Variants in EIF4B observed in about 807,000 individuals in gnomAD.
The protein encoded by EIF4B is eukaryotic translation initiation factor 4B.
EIF4B carries 8 observed loss-of-function variants against 79.3 expected under a neutral mutation model. The observed-to-expected ratio is 0.10, with a 90% confidence interval of 0.06 to 0.18. The LOEUF is 0.18. Ranked by LOEUF, EIF4B falls within the 10% of genes least tolerant of loss-of-function variation. The probability of loss-of-function intolerance (pLI) is 1.00; values close to 1 mark genes in which losing one functional copy is unlikely to be tolerated. For synonymous variants in EIF4B, 238 were observed against 274.7 expected (o/e 0.87, Z 1.32); for missense variants, 515 against 792.4 (o/e 0.65, Z 4.20).
At chr12:53,019,437 A>ATT (rs1337954535) in intron 3 of EIF4B, among the ~76,000 whole-genome samples, 58 of 51,010 alleles carry the variant, frequency 1.1e-3, no homozygotes, top group African/African-American at 3.4e-3. Flanking sequence ...ATATATATAT[A>ATT]TTTTTTTTTT....
At chr12:53,037,689 A>G (rs1943562636) in intron 11 of EIF4B, 67 bp downstream of exon 11, 2 of 1,555,428 alleles carry the variant, frequency 1.3e-6, no homozygotes. Context: ...TAATGATGGA[A>G]GATCTCCTAC....
rs370029164 is a variant in EIF4B at position 53,006,469 on chromosome 12, T to G, written c.-15T>G. ...CCTCATCCGGGTCTTTTGCGTTCTC[T>G]TTCCCTCTCCCAACATGGCGGCCTC... On this transcript the variant is annotated 5_prime_UTR_variant, in exon 1 of 15. Coordinates refer to ENST00000262056, the MANE Select transcript of EIF4B (RefSeq NM_001417.7). The G allele has an allele frequency of 2.3e-5, 37 of 1,613,244 alleles. No individual in the cohort carries two copies. Among genetic ancestry groups the G allele is most frequent in the South Asian group, 2.2e-4 (20 of 91,078 alleles).
intron 1 of EIF4B, chr12:53,014,673 G>A (rs1204775647): frequency 6.6e-6 from 1 of 152,114 alleles, no homozygotes; most frequent in Non-Finnish European, 1.5e-5. Flanking sequence ...GTTAAATTTT[G>A]AAAGAAAGGG....
chr12:53,030,413 CT>C lies in EIF4B; in HGVS notation c.979+2250del, dbSNP rs759061266. On this transcript the variant is annotated intron_variant, in intron 8 of 14. Coordinates refer to ENST00000262056, the MANE Select transcript of EIF4B (RefSeq NM_001417.7). ...GAAATAGGTTTTAAAAAATTATATT[CT>C]TTTTTTTTTTTTTTTTTTTTTTTTG... is the stretch of plus-strand genomic sequence containing the variant. Among the ~76,000 whole-genome samples the C allele has an allele frequency of 7.6e-3, 329 of 43,030 alleles. 3 individuals are homozygous for C. Among genetic ancestry groups the C allele is most frequent in the South Asian group, 0.066 (72 of 1,088 alleles). 28.2% of individuals were successfully genotyped at this position (43,030 alleles called of 152,430 possible).
At chr12:53,024,355 GA>G (rs1349722467) in intron 6 of EIF4B, among the ~76,000 whole-genome samples, 11 of 152,088 alleles carry the variant, frequency 7.2e-5, no homozygotes, top group African/African-American at 1.4e-4. Context: ...ACATTAAGGG[GA>G]AAAAAATTGT....
intron 1 of EIF4B, chr12:53,014,494 T>C (rs529269011): frequency 1.3e-5 from 2 of 152,082 alleles, no homozygotes; most frequent in South Asian, 2.1e-4. Flanking sequence ...TGGATTAATA[T>C]TAAGTCACTT....
intron 8 of EIF4B, among the ~76,000 whole-genome samples, chr12:53,029,366 T>C (rs949046147): frequency 1.1e-5 from 1 of 93,454 alleles, no homozygotes; most frequent in East Asian, 4.9e-4. Context: ...TTTCTATCCT[T>C]TTTTTATTTT....
intron 2 of EIF4B, among the ~76,000 whole-genome samples, chr12:53,017,406 T>C (rs1359552965): frequency 3.3e-5 from 5 of 152,134 alleles, no homozygotes; most frequent in Non-Finnish European, 1.5e-5. Flanking sequence ...ACAGTAATTA[T>C]GGTGGGAAAA....
rs201924839 is a variant in EIF4B, at chr12:53,016,553, A to G, written c.94A>G (p.Thr32Ala). ...AEDGGTGGGS[T>A]YVSKPVSWAD... ...GGATGGGGGTACTGGTGGAGGAAGC[A>G]CCTATGTTTCCAAACCAGTCAGCTG... is the stretch of plus-strand genomic sequence containing the variant. Residue 32 changes from threonine (T) to alanine (A), a missense_variant, in exon 2 of 15, where the codon ACC becomes GCC. Physicochemically the swap from Thr to Ala is moderately conservative, Grantham distance 58. Transcript: ENST00000262056. 3.9e-4 allele frequency: 624 copies of G among 1,613,382 alleles called. 2 individuals are homozygous for G. Among genetic ancestry groups the G allele is most frequent in the Middle Eastern group, 1.2e-3 (7 of 5,944 alleles).
At position 53,041,245 on chromosome 12, in the gene EIF4B, C is replaced by A. The variant is rs1368308807; in HGVS notation, c.*1022C>A. 2 of 152,210 alleles carry A rather than the reference C, an allele frequency of 1.3e-5. No homozygotes were observed. The highest frequency in any genetic ancestry group is 4.8e-5 in the African/African-American group (2 of 41,438). 9.4% of individuals were successfully genotyped at this position (152,210 alleles called of 1,614,324 possible). ...AGAACTCTGAAAGGAAGAATCGCTG[C>A]TTTTCTCAAGCAAATCGGTTTCTTG... On this transcript the variant is annotated 3_prime_UTR_variant, in exon 15 of 15. Transcript: ENST00000262056.
intron 1 of EIF4B, among the ~76,000 whole-genome samples, chr12:53,012,897 C>T (rs1004645376): frequency 2.0e-5 from 3 of 152,166 alleles, no homozygotes; most frequent in Admixed American, 6.5e-5. Flanking sequence ...TGAGCCACCA[C>T]ACCCAACAGT....
intron 1 of EIF4B, among the ~76,000 whole-genome samples, chr12:53,011,217 T>G (rs1329358765): frequency 6.6e-6 from 1 of 152,116 alleles, no homozygotes; most frequent in Non-Finnish European, 1.5e-5. Context: ...CAGTGAGCCA[T>G]TATCTCACTA....
chr12:53,026,078 C>T (rs1359351444), intron 6 of EIF4B, among the ~76,000 whole-genome samples: 2 of 151,668 alleles, frequency 1.3e-5, no homozygotes, highest in African/African-American at 2.4e-5. Flanking sequence ...CCAGCTTGGG[C>T]GACAGAGTGA....
Position 53,039,683 on chromosome 12 carries a change from C to G in EIF4B, c.1736C>G (p.Pro579Arg), listed in dbSNP as rs1943597502. Reference sequence around the variant, plus strand: ...AGATCTGCACCTGAGCCAAAGAAACCTGAGGAAAATCCAGCTTCCGTAAGT... The same window carrying G: ...AGATCTGCACCTGAGCCAAAGAAACGTGAGGAAAATCCAGCTTCCGTAAGT... The part of the protein sequence containing the change: ...DSRSAPEPKK[P>R]EENPASKFSS... Residue 579 changes from proline (P) to arginine (R), a missense_variant, in exon 14 of 15, where the codon CCT becomes CGT. By Grantham distance (103) the Pro-to-Arg change is moderately radical. Coordinates refer to ENST00000262056, the MANE Select transcript of EIF4B (RefSeq NM_001417.7). The G allele has an allele frequency of 1.9e-6, 3 of 1,613,606 alleles. No individual in the cohort carries two copies. Among genetic ancestry groups the G allele is most frequent in the African/African-American group, 2.7e-5 (2 of 74,888 alleles).
chr12:53,019,438 TTTTTTTTTTTTC>T (rs1370390816), intron 3 of EIF4B, among the ~76,000 whole-genome samples: 375 of 22,660 alleles, frequency 0.017, 3 homozygotes, highest in African/African-American at 0.033. Flanking sequence ...TATATATATA[TTTTTTTTTTTTC>T]TTTTTTTTTT....
chr12:53,024,434 G>A (rs1482964715), intron 6 of EIF4B, among the ~76,000 whole-genome samples: 1 of 152,160 alleles, frequency 6.6e-6, no homozygotes, highest in Non-Finnish European at 1.5e-5. Context: ...GCTACGCATG[G>A]TAATTTAACC....
chr12:53,018,845 C>T lies in EIF4B; in HGVS notation c.199C>T (p.Pro67Ser). 3.1e-6 allele frequency: 5 copies of T among 1,613,542 alleles called. No individual in the cohort carries two copies. The highest frequency in any genetic ancestry group is 4.2e-6 in the Non-Finnish European group (5 of 1,179,866). The change falls in exon 3 of 15, where the codon CCA becomes TCA. Residue 67 changes from proline (P) to serine (S), a missense_variant. Pro to Ser is a moderately conservative substitution (Grantham distance 74). This residue lies in a region of EIF4B where 105 missense variants were observed against 177.2 expected (regional missense o/e 0.59). Coordinates refer to ENST00000262056, the MANE Select transcript of EIF4B (RefSeq NM_001417.7). ...CGATGACGATGTGTATAGGGCGCCTCCAATTGACCGTTCCATCCTTCCCAC... is the reference window on the plus strand; with the variant it reads ...CGATGACGATGTGTATAGGGCGCCTTCAATTGACCGTTCCATCCTTCCCAC... ...SNDDDVYRAP[P>S]IDRSILPTAP...
At chr12:53,018,586 A>G (rs1943185278) in intron 2 of EIF4B, among the ~76,000 whole-genome samples, 1 of 152,192 alleles carries the variant, frequency 6.6e-6, no homozygotes, top group Admixed American at 6.5e-5. Context: ...TTATGGAATA[A>G]TATTTCTTTG....
At chr12:53,039,435 G>T (rs888171840) in intron 13 of EIF4B, 92 bp downstream of exon 13, 2 of 1,253,394 alleles carry the variant, frequency 1.6e-6, no homozygotes, top group Non-Finnish European at 1.1e-6. Flanking sequence ...CTGCCAGATC[G>T]CTCATTGTGA....
Sources: gnomAD v4.1 joint callset for allele counts (sites outside exome capture counted in the v4.1 genomes callset) on GRCh38, gnomAD v4.1.1 for gene constraint, gnomAD v4.1.1 regional missense constraint, MANE v1.5 for transcripts, NCBI Gene and HGNC (gene_info 2026-07-23, HGNC 2026-07-21) for gene names.